Variants in LRRTM4 observed in about 807,000 individuals in gnomAD.
The protein encoded by LRRTM4 is leucine rich repeat transmembrane neuronal 4, also known as leucine-rich repeat transmembrane neuronal protein 4.
A neutral mutation model predicts 47.6 loss-of-function variants in LRRTM4; 25 were observed. The ratio of observed to expected loss-of-function variants is 0.53; its 90% CI spans 0.38 to 0.73. The LOEUF (loss-of-function observed/expected upper bound fraction) is 0.73. LRRTM4 is among the 30% of genes least tolerant of loss of function. LRRTM4 has a pLI of 0.00. For synonymous variants in LRRTM4, 311 were observed against 269.5 expected (o/e 1.15, Z -1.51); for missense variants, 638 against 713.4 (o/e 0.89, Z 1.20).
intron 3 of LRRTM4, among the ~76,000 whole-genome samples, chr2:76,979,718 ATAG>A (rs1676541131): frequency 6.6e-6 from 1 of 151,788 alleles, no homozygotes; most frequent in Non-Finnish European, 1.5e-5. Flanking sequence ...AGATAGATAG[ATAG>A]ATAGATGCAT....
At chr2:77,271,807 C>T (rs1170962275) in intron 3 of LRRTM4, among the ~76,000 whole-genome samples, 1 of 152,142 alleles carries the variant, frequency 6.6e-6, no homozygotes, top group Non-Finnish European at 1.5e-5. Flanking sequence ...AATTTTTTCT[C>T]TGATCCAATA....
At chr2:77,308,759 T>G (rs1447723468) in intron 3 of LRRTM4, among the ~76,000 whole-genome samples, 1 of 152,124 alleles carries the variant, frequency 6.6e-6, no homozygotes, top group Non-Finnish European at 1.5e-5. Context: ...TTTTGTTTTC[T>G]TTTTTGTTCT....
intron 3 of LRRTM4, among the ~76,000 whole-genome samples, chr2:77,292,905 A>C (rs1676868061): frequency 6.6e-6 from 1 of 151,770 alleles, no homozygotes; most frequent in African/African-American, 2.4e-5. Flanking sequence ...TCACTCGTTA[A>C]TAGCAGAATT....
intron 3 of LRRTM4, among the ~76,000 whole-genome samples, chr2:76,860,590 A>G (rs1271476873): frequency 2.0e-5 from 3 of 151,914 alleles, no homozygotes; most frequent in African/African-American, 4.8e-5. Context: ...GTGTATTGCT[A>G]TAGGCTCACT....
chr2:77,228,147 A>G (rs1674864959), intron 3 of LRRTM4, among the ~76,000 whole-genome samples: 1 of 152,118 alleles, frequency 6.6e-6, no homozygotes, highest in Non-Finnish European at 1.5e-5. Flanking sequence ...ATGGATTCAA[A>G]TGTATTAAAT....
At chr2:77,299,900 G>A (rs1399416956) in intron 3 of LRRTM4, among the ~76,000 whole-genome samples, 1 of 139,734 alleles carries the variant, frequency 7.2e-6, no homozygotes, top group Non-Finnish European at 1.5e-5. Context: ...TTGCCAGGCT[G>A]GAGTGCAGTG....
intron 3 of LRRTM4, among the ~76,000 whole-genome samples, chr2:76,947,768 C>A (rs558140178): frequency 2.0e-5 from 3 of 151,752 alleles, no homozygotes; most frequent in South Asian, 4.1e-4. Context: ...TACAATACAC[C>A]CACTAACCAT....
intron 3 of LRRTM4, among the ~76,000 whole-genome samples, chr2:77,496,700 T>C (rs569046913): frequency 6.6e-6 from 1 of 151,916 alleles, no homozygotes; most frequent in Non-Finnish European, 1.5e-5. Context: ...AAAATGTGTA[T>C]AGAATTGTAC....
At chr2:77,154,687 TA>T (rs1411229576) in intron 3 of LRRTM4, among the ~76,000 whole-genome samples, 1 of 152,132 alleles carries the variant, frequency 6.6e-6, no homozygotes, top group Non-Finnish European at 1.5e-5. Context: ...ATATTTAGCA[TA>T]AAATTCTTTA....
intron 3 of LRRTM4, among the ~76,000 whole-genome samples, chr2:77,224,076 C>CT (rs1199976177): frequency 6.6e-6 from 1 of 151,406 alleles, no homozygotes; most frequent in East Asian, 1.9e-4. Context: ...ACTATCTGAT[C>CT]TTTGACAAAC....
chr2:77,310,682 G>A (rs1677426832), intron 3 of LRRTM4, among the ~76,000 whole-genome samples: 1 of 152,084 alleles, frequency 6.6e-6, no homozygotes, highest in Non-Finnish European at 1.5e-5. Flanking sequence ...TGTCTGATGT[G>A]GCAGCAAAGG....
At chr2:77,247,333 T>C (rs1379031270) in intron 3 of LRRTM4, among the ~76,000 whole-genome samples, 1 of 152,112 alleles carries the variant, frequency 6.6e-6, no homozygotes, top group African/African-American at 2.4e-5. Flanking sequence ...TTTTATTCAG[T>C]TAAAACTTGG....
intron 3 of LRRTM4, among the ~76,000 whole-genome samples, chr2:76,799,636 C>A (rs1202809513): frequency 1.5e-5 from 2 of 135,416 alleles, no homozygotes; most frequent in African/African-American, 5.8e-5. Flanking sequence ...AAAGGGTATT[C>A]AATTAGGAAA....
intron 3 of LRRTM4, among the ~76,000 whole-genome samples, chr2:77,131,662 A>G (rs1309316822): frequency 6.6e-6 from 1 of 152,142 alleles, no homozygotes; most frequent in Admixed American, 6.5e-5. Context: ...GCTTTACACT[A>G]TGGGGGAAAT....
intron 3 of LRRTM4, among the ~76,000 whole-genome samples, chr2:77,150,138 T>C (rs1672376752): frequency 6.6e-6 from 1 of 150,702 alleles, no homozygotes; most frequent in African/African-American, 2.5e-5. Context: ...GTTGTTAGGT[T>C]AGGCTGTGCA....
At chr2:77,179,969 C>T (rs1315223566) in intron 3 of LRRTM4, among the ~76,000 whole-genome samples, 1 of 151,926 alleles carries the variant, frequency 6.6e-6, no homozygotes. Flanking sequence ...TTTTAAAGAA[C>T]TCAAGGTGGC....
At chr2:77,056,278 C>T (rs1248503019) in intron 3 of LRRTM4, among the ~76,000 whole-genome samples, 1 of 151,726 alleles carries the variant, frequency 6.6e-6, no homozygotes, top group East Asian at 1.9e-4. Context: ...AAGAAGATGC[C>T]CTTCTATGAA....
chr2:76,784,286 A>G (rs1328110887), intron 3 of LRRTM4, among the ~76,000 whole-genome samples: 21 of 152,072 alleles, frequency 1.4e-4, no homozygotes, highest in Admixed American at 1.4e-3. Flanking sequence ...TTATAATCCT[A>G]TGCATACTTT....
chr2:76,965,602 A>G (rs1309868806), intron 3 of LRRTM4, among the ~76,000 whole-genome samples: 1 of 151,282 alleles, frequency 6.6e-6, no homozygotes, highest in Non-Finnish European at 1.5e-5. Context: ...ATTATTGTTT[A>G]CAGGTTAAAA....
Sources: gnomAD v4.1 joint callset for allele counts (sites outside exome capture counted in the v4.1 genomes callset) on GRCh38, gnomAD v4.1.1 for gene constraint, MANE v1.5 for transcripts, NCBI Gene and HGNC (gene_info 2026-07-23, HGNC 2026-07-21) for gene names.